GALNT5: variants seen among roughly 807,000 people sequenced by gnomAD.
GALNT5 encodes polypeptide N-acetylgalactosaminyltransferase 5.
GALNT5 carries 72 observed loss-of-function variants against 85.4 expected under a neutral mutation model. The ratio of observed to expected loss-of-function variants is 0.84; its 90% CI spans 0.70 to 1.03. GALNT5 has a LOEUF of 1.03. Ranked by LOEUF, GALNT5 falls within the 50% of genes least tolerant of loss-of-function variation. GALNT5 has a pLI of 0.00. For missense variants in GALNT5, 1,137 were observed against 1,135.5 expected (o/e 1.00, Z -0.02); for synonymous variants, 404 against 397.0 (o/e 1.02, Z -0.21).
Position 157,300,939 on chromosome 2 carries a change from A to G in GALNT5, c.2379A>G (p.Lys793=), listed in dbSNP as rs1683329867. The G allele has an allele frequency of 6.2e-7, 1 of 1,614,032 alleles. No homozygotes were observed. The highest frequency in any genetic ancestry group is 8.5e-7 in the Non-Finnish European group (1 of 1,179,990). ...AGAAACTGAAGTGCAAAAGTTTCAA[A>G]TGGTACTTGGAGAATGTCTTTCCTG... ...LRKKLKCKSF[K]WYLENVFPDL... The change falls in exon 7 of 10, where the codon AAA becomes AAG. Residue 793 remains lysine (K), a synonymous_variant. Coordinates refer to ENST00000259056, the MANE Select transcript of GALNT5 (RefSeq NM_014568.3).
At position 157,258,757 on chromosome 2, in the gene GALNT5, T is replaced by C. The variant is rs1265173269; in HGVS notation, c.675T>C (p.Asp225=). ...DLNVTISLST[D]RPKQRSQAVA... Reference sequence around the variant, plus strand: ...ATGTGACCATCAGTCTTAGTACTGATAGACCAAAGCAGCGATCACAGGCAG... The same window carrying C: ...ATGTGACCATCAGTCTTAGTACTGACAGACCAAAGCAGCGATCACAGGCAG... Residue 225 remains aspartate, a synonymous_variant, in exon 1 of 10, where the codon GAT becomes GAC. Transcript: ENST00000259056. The C allele has an allele frequency of 1.2e-6, 2 of 1,612,620 alleles. No homozygotes were observed. Among genetic ancestry groups the C allele is most frequent in the Non-Finnish European group, 1.7e-6 (2 of 1,179,026 alleles).
chr2:157,294,408 G>A (rs1323657343), intron 3 of GALNT5, among the ~76,000 whole-genome samples: 2 of 152,178 alleles, frequency 1.3e-5, no homozygotes, highest in African/African-American at 4.8e-5. Context: ...AAAGCGAAAG[G>A]CTAGGAGTGG....
rs779716271 is a variant in GALNT5, at chr2:157,311,210, G to A, written c.2685G>A (p.Val895=). ...KSTSVFHPEL[V]NHIVFENNQQ... is the part of the protein sequence containing the mutation. ...TCCCAGCTCTTCTTTCTCTCCAGGTGAATCACATTGTTTTTGAAAACAATC... is the reference window on the plus strand; with the variant it reads ...TCCCAGCTCTTCTTTCTCTCCAGGTAAATCACATTGTTTTTGAAAACAATC... Residue 895 remains valine, a splice_region_variant and synonymous_variant, in exon 10 of 10, where the codon GTG becomes GTA. Coordinates refer to ENST00000259056, the MANE Select transcript of GALNT5 (RefSeq NM_014568.3). The A allele has an allele frequency of 3.7e-6, 6 of 1,608,484 alleles. No individual in the cohort carries two copies. The highest frequency in any genetic ancestry group is 4.2e-6 in the Non-Finnish European group (5 of 1,176,768).
chr2:157,257,939 C>T lies in GALNT5; in HGVS notation c.-144C>T. On this transcript the variant is annotated 5_prime_UTR_variant, in exon 1 of 10. Coordinates refer to ENST00000259056, the MANE Select transcript of GALNT5 (RefSeq NM_014568.3). Reference sequence around the variant, plus strand: ...GTAGGAACTGAGCTTTCCCCTTGGACTGCTGCTTCCTGCTGTGTTCAGGGG... The same window carrying T: ...GTAGGAACTGAGCTTTCCCCTTGGATTGCTGCTTCCTGCTGTGTTCAGGGG... 1.3e-6 allele frequency: 1 copy of T among 782,838 alleles called. No homozygotes were observed. Among genetic ancestry groups the T allele is most frequent in the Non-Finnish European group, 2.1e-6 (1 of 469,918 alleles). 48.5% of individuals were successfully genotyped at this position (782,838 alleles called of 1,614,324 possible). A position where few individuals can be genotyped will look rare whatever the true frequency, so the allele number is the denominator to read the frequency against.
intron 1 of GALNT5, among the ~76,000 whole-genome samples, chr2:157,260,636 T>C (rs1263144805): frequency 1.3e-5 from 2 of 152,230 alleles, no homozygotes; most frequent in Admixed American, 6.5e-5. Flanking sequence ...ATGTAAACAA[T>C]GGCCTTGTTT....
chr2:157,258,052 G>C lies in GALNT5; in HGVS notation c.-31G>C, dbSNP rs749760312. 6.2e-7 allele frequency: 1 copy of C among 1,608,472 alleles called. No homozygotes were observed. Among genetic ancestry groups the C allele is most frequent in the Non-Finnish European group, 8.5e-7 (1 of 1,179,430 alleles). ...TCCACTCAAGGTAAGCAGGCTAAGG[G>C]AGGGCAGGCTGCTAGGGAAAGCTTT... is the stretch of plus-strand genomic sequence containing the variant. On this transcript the variant is annotated 5_prime_UTR_variant, in exon 1 of 10. Coordinates refer to ENST00000259056, the MANE Select transcript of GALNT5 (RefSeq NM_014568.3).
chr2:157,262,461 A>T (rs1682364358), intron 1 of GALNT5, among the ~76,000 whole-genome samples: 1 of 152,026 alleles, frequency 6.6e-6, no homozygotes, highest in South Asian at 2.1e-4. Context: ...ATATAGTGAG[A>T]CCTCATCATT....
chr2:157,258,674 C>CG lies in GALNT5; in HGVS notation c.594dup (p.Lys199GlufsTer4), dbSNP rs1354927305. ...ACGTGTCAGTTTAAAACAGGAGCCC[C>CG]GGAAGAGTCATAGTCCCAGCAGTGA... On this transcript the variant is annotated frameshift_variant, in exon 1 of 10. Transcript: ENST00000259056. LOFTEE classifies it high-confidence loss of function. 6.2e-7 allele frequency: 1 copy of CG among 1,613,568 alleles called. No homozygotes were observed. The highest frequency in any genetic ancestry group is 8.5e-7 in the Non-Finnish European group (1 of 1,179,980).
At chr2:157,288,684 C>A (rs553728321) in intron 3 of GALNT5, among the ~76,000 whole-genome samples, 1 of 152,050 alleles carries the variant, frequency 6.6e-6, no homozygotes, top group Non-Finnish European at 1.5e-5. Context: ...TAAGGTGAAG[C>A]CAATGAAGAA....
At chr2:157,305,137 C>T (rs1048999511) in intron 7 of GALNT5, among the ~76,000 whole-genome samples, 1 of 152,188 alleles carries the variant, frequency 6.6e-6, no homozygotes, top group East Asian at 1.9e-4. Context: ...AAGCTACCTC[C>T]ATATTTGACC....
chr2:157,267,213 A>G (rs2105149966), intron 1 of GALNT5, among the ~76,000 whole-genome samples: 1 of 152,300 alleles, frequency 6.6e-6, no homozygotes, highest in African/African-American at 2.4e-5. Context: ...AGGATGATCC[A>G]TTGAGAAATC....
chr2:157,296,532 A>G lies in GALNT5; in HGVS notation c.1997+19A>G. 1.3e-6 allele frequency: 2 copies of G among 1,590,722 alleles called. No individual in the cohort carries two copies. Among genetic ancestry groups the G allele is most frequent in the South Asian group, 1.1e-5 (1 of 89,992 alleles). On this transcript the variant is annotated intron_variant, in intron 5 of 9. Transcript: ENST00000259056. ...CAATAAGGTAAGTGTGGGAAATTTA[A>G]GACTAGAAAGCAGTCATGTATCTTT...
In GALNT5 at chr2:157,284,461, C is replaced by T; in HGVS notation, c.1621+13C>T. 1 of 1,607,712 alleles carries T rather than the reference C, an allele frequency of 6.2e-7. No individual in the cohort carries two copies. Among genetic ancestry groups the T allele is most frequent in the Non-Finnish European group, 8.5e-7 (1 of 1,175,232 alleles). ...TTCAGCACCAAAGGTAAGAAAACCA[C>T]TCAGGCTATCTCTTGAAATTTCAAA... On this transcript the variant is annotated intron_variant, in intron 2 of 9. Coordinates refer to ENST00000259056, the MANE Select transcript of GALNT5 (RefSeq NM_014568.3).
At chr2:157,268,595 G>C (rs923957396) in intron 1 of GALNT5, among the ~76,000 whole-genome samples, 6 of 152,158 alleles carry the variant, frequency 3.9e-5, no homozygotes, top group Admixed American at 2.6e-4. Flanking sequence ...TAACTGACTT[G>C]CCCATGGCCA....
chr2:157,266,643 C>G (rs1051840435), intron 1 of GALNT5, among the ~76,000 whole-genome samples: 1 of 152,054 alleles, frequency 6.6e-6, no homozygotes, highest in Non-Finnish European at 1.5e-5. Context: ...TATTAACTTT[C>G]ATATGTTTTA....
At chr2:157,296,540 A>C in intron 5 of GALNT5, 27 bp downstream of exon 5, 1 of 1,575,626 alleles carries the variant, frequency 6.3e-7, no homozygotes. Flanking sequence ...TAAGACTAGA[A>C]AGCAGTCATG....
At chr2:157,263,176 TCA>T (rs1682386770) in intron 1 of GALNT5, among the ~76,000 whole-genome samples, 1 of 151,852 alleles carries the variant, frequency 6.6e-6, no homozygotes, top group African/African-American at 2.4e-5. Flanking sequence ...TCAGGGTTAC[TCA>T]CACTGTCCTT....
At chr2:157,267,170 TAG>T (rs1682474190) in intron 1 of GALNT5, among the ~76,000 whole-genome samples, 1 of 151,430 alleles carries the variant, frequency 6.6e-6, no homozygotes, top group Non-Finnish European at 1.5e-5. Flanking sequence ...CCTGAAAGAG[TAG>T]AGAGTCAGAG....
chr2:157,291,472 C>T (rs1683096040), intron 3 of GALNT5, among the ~76,000 whole-genome samples: 1 of 152,124 alleles, frequency 6.6e-6, no homozygotes, highest in South Asian at 2.1e-4. Context: ...AATTAAACGG[C>T]ACGCCAAGCC....
Sources: gnomAD v4.1 joint callset for allele counts (sites outside exome capture counted in the v4.1 genomes callset) on GRCh38, gnomAD v4.1.1 for gene constraint, MANE v1.5 for transcripts, NCBI Gene and HGNC (gene_info 2026-07-23, HGNC 2026-07-21) for gene names.